The following CEP70 variants were observed in gnomAD, a reference collection of about 807,000 sequenced individuals.
CEP70 encodes centrosomal protein 70.
A neutral mutation model predicts 90.9 loss-of-function variants in CEP70; 70 were observed. The observed-to-expected ratio is 0.77, with a 90% CI of 0.64 to 0.94. CEP70 has a LOEUF of 0.94. Among genes scored for constraint, CEP70 ranks in the 40% least tolerant of loss-of-function variants. The pLI is 0.00. For synonymous variants in CEP70, 220 were observed against 228.3 expected (o/e 0.96, Z 0.33); for missense variants, 648 against 669.0 (o/e 0.97, Z 0.35).
chr3:138,525,351 A>G, intron 11 of CEP70, 139 bp downstream of exon 11: 1 of 256,858 alleles, frequency 3.9e-6, no homozygotes, highest in Non-Finnish European at 7.0e-6. Flanking sequence ...CCAACATGGC[A>G]CATGTATACA....
At chr3:138,513,392 A>C (rs2035710849) in intron 11 of CEP70, among the ~76,000 whole-genome samples, 1 of 152,182 alleles carries the variant, frequency 6.6e-6, no homozygotes, top group African/African-American at 2.4e-5. Context: ...AGATCTTCTT[A>C]TTGGTGGAGA....
At chr3:138,520,366 G>A (rs1326984285) in intron 11 of CEP70, among the ~76,000 whole-genome samples, 1 of 152,100 alleles carries the variant, frequency 6.6e-6, no homozygotes, top group Non-Finnish European at 1.5e-5. Context: ...CCACCCCAAA[G>A]CAATAGAATG....
intron 11 of CEP70, among the ~76,000 whole-genome samples, chr3:138,515,927 C>T (rs761867783): frequency 2.6e-5 from 4 of 152,100 alleles, no homozygotes; most frequent in South Asian, 2.1e-4. Context: ...GGTTAAAACT[C>T]GGGAGACTTC....
At chr3:138,580,547 A>G (rs2041799227) in intron 2 of CEP70, among the ~76,000 whole-genome samples, 2 of 152,210 alleles carry the variant, frequency 1.3e-5, no homozygotes, top group African/African-American at 2.4e-5. Context: ...CTTCCCAAGA[A>G]GGATGGGTAC....
intron 6 of CEP70, among the ~76,000 whole-genome samples, chr3:138,560,244 C>A (rs2040305345): frequency 6.6e-6 from 1 of 152,132 alleles, no homozygotes; most frequent in Non-Finnish European, 1.5e-5. Flanking sequence ...TTGCCTCACC[C>A]AGGAAACACA....
intron 7 of CEP70, among the ~76,000 whole-genome samples, chr3:138,533,157 T>C (rs1042185763): frequency 6.6e-5 from 10 of 152,016 alleles, no homozygotes; most frequent in Admixed American, 6.6e-5. Flanking sequence ...GGCGAGTGCC[T>C]GTAGTCCCAG....
chr3:138,513,558 C>T (rs1357840163), intron 11 of CEP70, among the ~76,000 whole-genome samples: 4 of 152,202 alleles, frequency 2.6e-5, no homozygotes, highest in African/African-American at 7.2e-5. Flanking sequence ...GACTGTTCCT[C>T]ACCTGGTGCT....
chr3:138,561,248 C>T (rs978948331), intron 6 of CEP70, among the ~76,000 whole-genome samples: 16 of 152,164 alleles, frequency 1.1e-4, no homozygotes, highest in Admixed American at 6.5e-5. Flanking sequence ...CCCAGGCAAA[C>T]GGGGTCTGGA....
Position 138,590,206 on chromosome 3 carries a change from C to A in CEP70, c.-6+1648G>T, listed in dbSNP as rs571027560. On this transcript the variant is annotated intron_variant, in intron 2 of 17. Coordinates refer to ENST00000264982, the MANE Select transcript of CEP70 (RefSeq NM_024491.4). ...TTCTGATACTGTCATATGTATAATA[C>A]AGAATAATGAGTAAATATGGAATAT... Among the ~76,000 whole-genome samples the A allele has an allele frequency of 3.4e-4, 51 of 152,050 alleles. No homozygotes were observed. The Middle Eastern group carries it at 0.01, about 30-fold the overall frequency.
intron 2 of CEP70, among the ~76,000 whole-genome samples, chr3:138,584,461 C>CAAAAAAAAA (rs35985463): frequency 3.3e-5 from 3 of 92,160 alleles, no homozygotes; most frequent in African/African-American, 4.4e-5. Flanking sequence ...AAAGACATAT[C>CAAAAAAAAA]AAAAAAAAAA....
At chr3:138,537,450 G>A (rs889186797) in intron 6 of CEP70, 103 bp from the exon 7 acceptor site, 18 of 717,946 alleles carry the variant, frequency 2.5e-5, no homozygotes, top group Admixed American at 1.2e-4. Context: ...CTACTGAGCT[G>A]TTTCATTCAA....
At chr3:138,501,531 A>C (rs958940360) in intron 13 of CEP70, among the ~76,000 whole-genome samples, 2 of 152,204 alleles carry the variant, frequency 1.3e-5, no homozygotes, top group Admixed American at 6.5e-5. Context: ...GCATAAAGGG[A>C]ATTATACAAT....
chr3:138,533,443 T>C (rs1389491179), intron 7 of CEP70, among the ~76,000 whole-genome samples: 2 of 152,216 alleles, frequency 1.3e-5, no homozygotes, highest in Non-Finnish European at 1.5e-5. Context: ...AAAAGTTAGA[T>C]GTGAATATGT....
intron 2 of CEP70, among the ~76,000 whole-genome samples, chr3:138,582,449 G>A (rs1337862770): frequency 1.3e-5 from 2 of 151,288 alleles, no homozygotes; most frequent in Non-Finnish European, 2.9e-5. Context: ...TCCAGCCTGG[G>A]TGACAGAGCG....
rs921214956 is a variant in CEP70, at chr3:138,570,559, A to C, written c.285-61T>G. 3.0e-6 allele frequency: 4 copies of C among 1,312,344 alleles called. No individual in the cohort carries two copies. In the African/African-American group the frequency reaches 6.0e-5, roughly 20 times the overall value. The allele number at this position is 1,312,344 out of a possible 1,614,324, so 81.3% of individuals were successfully genotyped here. ...TTAAAAATAAATCGAATTACCAAGCATATCCATATAAGAATGTATTGCCTT... is the reference window on the plus strand; with the variant it reads ...TTAAAAATAAATCGAATTACCAAGCCTATCCATATAAGAATGTATTGCCTT... On this transcript the variant is annotated intron_variant, in intron 5 of 17. Transcript: ENST00000264982.
At chr3:138,578,365 G>C (rs1394041253) in intron 2 of CEP70, among the ~76,000 whole-genome samples, 1 of 152,200 alleles carries the variant, frequency 6.6e-6, no homozygotes, top group African/African-American at 2.4e-5. Context: ...ATGAGAATGA[G>C]AGAACTCCCT....
chr3:138,497,164 C>G, intron 17 of CEP70: 4 of 1,120,818 alleles, frequency 3.6e-6, no homozygotes, highest in Non-Finnish European at 4.4e-6. Flanking sequence ...TCCCTTGCTT[C>G]CCCACTGCAC....
At chr3:138,568,320 C>G (rs1326774865) in intron 6 of CEP70, among the ~76,000 whole-genome samples, 1 of 152,198 alleles carries the variant, frequency 6.6e-6, no homozygotes, top group Non-Finnish European at 1.5e-5. Flanking sequence ...TCTCATGTAT[C>G]TGTTCTTTGA....
intron 6 of CEP70, among the ~76,000 whole-genome samples, chr3:138,555,783 T>C (rs887757268): frequency 6.6e-5 from 10 of 152,148 alleles, no homozygotes; most frequent in African/African-American, 2.4e-4. Flanking sequence ...GGTGTGGATG[T>C]GGTGAAAAGG....
Sources: gnomAD v4.1 joint callset for allele counts (sites outside exome capture counted in the v4.1 genomes callset) on GRCh38, gnomAD v4.1.1 for gene constraint, MANE v1.5 for transcripts, NCBI Gene and HGNC (gene_info 2026-07-23, HGNC 2026-07-21) for gene names.